The following WLS variants were observed in gnomAD, a reference collection of about 807,000 sequenced individuals.
The protein encoded by WLS is protein wntless homolog.
In WLS, 23 loss-of-function variants were observed where a neutral mutation model predicts 62.8. The ratio of observed to expected loss-of-function variants is 0.37; its 90% confidence interval spans 0.26 to 0.52. WLS has a LOEUF of 0.52. Among genes scored for constraint, WLS ranks in the 20% least tolerant of loss-of-function variants. The pLI, the probability that WLS is intolerant of heterozygous loss-of-function variation, is 0.92. For synonymous variants in WLS, 246 were observed against 244.1 expected (o/e 1.01, Z -0.07); for missense variants, 615 against 697.3 (o/e 0.88, Z 1.33).
intron 2 of WLS, among the ~76,000 whole-genome samples, chr1:68,159,928 A>C (rs867535462): frequency 5.9e-5 from 9 of 152,222 alleles, no homozygotes; most frequent in South Asian, 4.1e-4. Context: ...GAATGTTCAC[A>C]CATACTTCCA....
intron 2 of WLS, among the ~76,000 whole-genome samples, chr1:68,178,098 A>G (rs1647337593): frequency 1.3e-5 from 2 of 152,210 alleles, no homozygotes; most frequent in South Asian, 4.1e-4. Flanking sequence ...CCAGAAAAAA[A>G]TAAGACTGCC....
rs1450142330 is a variant in WLS, at chr1:68,126,122, C to T, written c.*104G>A. The T allele has an allele frequency of 6.6e-7, 1 of 1,514,584 alleles. No homozygotes were observed. Among genetic ancestry groups the T allele is most frequent in the African/African-American group, 1.4e-5 (1 of 72,442 alleles). The allele number at this position is 1,514,584 out of a possible 1,614,324, so 93.8% of individuals were successfully genotyped here. A position where few individuals can be genotyped will look rare whatever the true frequency, so the allele number is the denominator to read the frequency against. On this transcript the variant is annotated 3_prime_UTR_variant, in exon 12 of 12. Coordinates refer to ENST00000262348, the MANE Select transcript of WLS (RefSeq NM_024911.7). ...GGTCCAAGAAACCACAGCTAAGAGCCATGAGGCATTCATTTGTACATTGAG... is the reference window on the plus strand; with the variant it reads ...GGTCCAAGAAACCACAGCTAAGAGCTATGAGGCATTCATTTGTACATTGAG...
chr1:68,187,836 T>G (rs999622896), intron 2 of WLS, among the ~76,000 whole-genome samples: 1 of 152,250 alleles, frequency 6.6e-6, no homozygotes, highest in Non-Finnish European at 1.5e-5. Context: ...TGGGAAAGTT[T>G]CTTTTAAAAA....
At chr1:68,142,657 C>T (rs1398243583) in intron 10 of WLS, 1 of 152,194 alleles carries the variant, frequency 6.6e-6, no homozygotes. Flanking sequence ...ATAAACACAG[C>T]AGTGTTGTAG....
intron 11 of WLS, chr1:68,117,675 A>C (rs1344859899): frequency 6.6e-6 from 1 of 152,202 alleles, no homozygotes; most frequent in African/African-American, 2.4e-5. Flanking sequence ...GTGGACGCTT[A>C]TCTTCCCCCG....
intron 2 of WLS, among the ~76,000 whole-genome samples, chr1:68,170,164 T>TTTTC (rs1553131203): frequency 2.1e-5 from 3 of 142,388 alleles, no homozygotes; most frequent in Non-Finnish European, 1.5e-5. Context: ...CTATTTCTTT[T>TTTTC]TTTTTTTTTT....
chr1:68,157,039 T>G (rs934670469), intron 3 of WLS, among the ~76,000 whole-genome samples: 1 of 152,082 alleles, frequency 6.6e-6, no homozygotes, highest in African/African-American at 2.4e-5. Flanking sequence ...TCGCCCAGGG[T>G]CCCAAAAGTA....
intron 1 of WLS, among the ~76,000 whole-genome samples, chr1:68,195,229 G>A (rs1648595264): frequency 6.6e-6 from 1 of 152,160 alleles, no homozygotes. Context: ...GATAACACCA[G>A]CTCTGGAGGC....
chr1:68,194,143 A>G lies in WLS; in HGVS notation c.191T>C (p.Val64Ala). The G allele has an allele frequency of 6.2e-7, 1 of 1,614,224 alleles. No individual in the cohort carries two copies. The highest frequency in any genetic ancestry group is 8.5e-7 in the Non-Finnish European group (1 of 1,180,044). ...GTCACAATGATTGGGTCCCCAAGGC[A>G]CGAACCATTTTGTCTTGTGATGGTT... ...RKNHHKTKWF[V>A]PWGPNHCDKI... Residue 64 changes from valine (V) to alanine (A), a missense_variant, in exon 2 of 12, where the codon GTG (valine) becomes GCG (alanine). By Grantham distance (64) the Val-to-Ala change is moderately conservative. Coordinates refer to ENST00000262348, the MANE Select transcript of WLS (RefSeq NM_024911.7).
At chr1:68,201,911 C>T (rs1649039768) in intron 1 of WLS, 1 of 152,204 alleles carries the variant, frequency 6.6e-6, no homozygotes, top group Non-Finnish European at 1.5e-5. Context: ...TTGTAGCAAA[C>T]ACTTGTAAAT....
intron 2 of WLS, among the ~76,000 whole-genome samples, chr1:68,160,316 T>A (rs1008562093): frequency 6.6e-6 from 1 of 152,166 alleles, no homozygotes; most frequent in African/African-American, 2.4e-5. Flanking sequence ...CTTTGTTTTT[T>A]TTTAATTGAC....
At chr1:68,114,389 G>T (rs1007446049) in intron 11 of WLS, among the ~76,000 whole-genome samples, 1 of 152,134 alleles carries the variant, frequency 6.6e-6, no homozygotes, top group Non-Finnish European at 1.5e-5. Flanking sequence ...GTCATTTCAT[G>T]GGCTATATAT....
chr1:68,156,166 A>T (rs1313980336), intron 3 of WLS, among the ~76,000 whole-genome samples: 1 of 152,146 alleles, frequency 6.6e-6, no homozygotes, highest in Non-Finnish European at 1.5e-5. Context: ...ATAAAGAGGC[A>T]TGAGCTTCAG....
At chr1:68,154,524 T>G (rs1041758597) in intron 4 of WLS, among the ~76,000 whole-genome samples, 1 of 152,202 alleles carries the variant, frequency 6.6e-6, no homozygotes, top group African/African-American at 2.4e-5. Context: ...TCCTACTTTT[T>G]GTAAGGGAAT....
intron 4 of WLS, 144 bp downstream of exon 4, chr1:68,154,955 A>G: frequency 1.1e-6 from 1 of 912,434 alleles, no homozygotes; most frequent in South Asian, 1.9e-5. Flanking sequence ...TCTCTCACAC[A>G]AATTAGTTCA....
chr1:68,225,128 T>C (rs1650090080), intron 1 of WLS, among the ~76,000 whole-genome samples: 1 of 151,482 alleles, frequency 6.6e-6, no homozygotes, highest in African/African-American at 2.4e-5. Flanking sequence ...TCTTCCAATA[T>C]GATTACTGCT....
At chr1:68,177,339 G>T (rs1557499027) in intron 2 of WLS, among the ~76,000 whole-genome samples, 1 of 152,116 alleles carries the variant, frequency 6.6e-6, no homozygotes, top group Non-Finnish European at 1.5e-5. Flanking sequence ...GTCTCCCAAG[G>T]TTAAAGTCCT....
downstream of WLS, among the ~76,000 whole-genome samples, chr1:68,125,109 G>A (rs962044227): frequency 6.6e-6 from 1 of 152,132 alleles, no homozygotes; most frequent in Non-Finnish European, 1.5e-5. Flanking sequence ...TCTGAATAGG[G>A]CAGAGGACGG....
At chr1:68,232,063 A>G in intron 1 of WLS, 131 bp downstream of exon 1, 1 of 1,261,274 alleles carries the variant, frequency 7.9e-7, no homozygotes, top group Non-Finnish European at 1.1e-6. Context: ...CTGCTTTCTT[A>G]AGCACAATAG....
Sources: gnomAD v4.1 joint callset for allele counts (sites outside exome capture counted in the v4.1 genomes callset) on GRCh38, gnomAD v4.1.1 for gene constraint, MANE v1.5 for transcripts, NCBI Gene and HGNC (gene_info 2026-07-23, HGNC 2026-07-21) for gene names.